MTR: variants seen among roughly 807,000 people sequenced by gnomAD.
The protein encoded by MTR is methionine synthase.
In MTR, 84 loss-of-function variants were observed where a neutral mutation model predicts 154.8. The ratio of observed to expected loss-of-function variants is 0.54; its 90% CI spans 0.45 to 0.65. The LOEUF is 0.65. MTR is among the 30% of genes least tolerant of loss of function. The pLI is 0.00. For synonymous variants in MTR, 554 were observed against 553.9 expected (o/e 1.00, Z 0.00); for missense variants, 1,275 against 1,570.2 (o/e 0.81, Z 3.18).
At chr1:236,810,308 C>T (rs893061924) in intron 4 of MTR, among the ~76,000 whole-genome samples, 195 bp from the exon 5 acceptor site, 9 of 152,086 alleles carry the variant, frequency 5.9e-5, no homozygotes, top group African/African-American at 9.7e-5. Context: ...AATAGTCTCT[C>T]GTTAGTTTAG....
rs1014393519 is a variant in MTR at position 236,894,477 on chromosome 1, G to T, written c.3325G>T (p.Glu1109Ter). The T allele has an allele frequency of 6.2e-7, 1 of 1,614,176 alleles. No individual in the cohort carries two copies. Among genetic ancestry groups the T allele is most frequent in the Non-Finnish European group, 8.5e-7 (1 of 1,180,042 alleles). The change falls in exon 30 of 33, where the codon GAG (glutamate) becomes TAG (stop). Residue 1109 changes from glutamate (E) to a stop codon, truncating the protein, a stop_gained. Coordinates refer to ENST00000366577, the MANE Select transcript of MTR (RefSeq NM_000254.3). LOFTEE classifies it high-confidence loss of function. Reference protein sequence around the residue: ...LFAVACFGVEELSKAYEDDGD... With the variant: ...LFAVACFGVE ...TGCCGTTGCCTGCTTTGGGGTAGAA[G>T]AGCTGAGCAAGGCCTATGAGGATGA...
Position 236,810,556 on chromosome 1 carries a change from G to A in MTR, c.463G>A (p.Val155Met), listed in dbSNP as rs1382616664. 3.0e-5 allele frequency: 49 copies of A among 1,613,758 alleles called. No homozygotes were observed. Among genetic ancestry groups the A allele is most frequent in the Non-Finnish European group, 3.7e-5 (44 of 1,179,838 alleles). The change falls in exon 5 of 33, where the codon GTG becomes ATG. Residue 155 changes from valine (V) to methionine (M), a missense_variant. Val to Met is a conservative substitution (Grantham distance 21). Coordinates refer to ENST00000366577, the MANE Select transcript of MTR (RefSeq NM_000254.3). ...GGGTCCGACTAATAAGACACTCTCTGTGTCCCCATCTGTGGAAAGGCCGGA... is the reference window on the plus strand; with the variant it reads ...GGGTCCGACTAATAAGACACTCTCTATGTCCCCATCTGTGGAAAGGCCGGA... ...ALGPTNKTLS[V>M]SPSVERPDYR...
chr1:236,840,902 AGT>A (rs1370828104), intron 15 of MTR, among the ~76,000 whole-genome samples: 1 of 152,198 alleles, frequency 6.6e-6, no homozygotes, highest in Admixed American at 6.5e-5. Flanking sequence ...TATGTCAAAG[AGT>A]GTACACATTT....
chr1:236,846,805 G>T (rs184638688), intron 15 of MTR, among the ~76,000 whole-genome samples: 1 of 151,974 alleles, frequency 6.6e-6, no homozygotes, highest in African/African-American at 2.4e-5. Context: ...CTTTTCTTCA[G>T]TGTTTCCCTT....
chr1:236,826,912 A>G lies in MTR; in HGVS notation c.995+16A>G, dbSNP rs752481994. 5.0e-6 allele frequency: 8 copies of G among 1,606,130 alleles called. No homozygotes were observed. Among genetic ancestry groups the G allele is most frequent in the Non-Finnish European group, 6.8e-6 (8 of 1,172,776 alleles). ...ATCATATCAGGTAATAATCACCTAT[A>G]GACAATATATCTAAAACCAAGTGGA... On this transcript the variant is annotated intron_variant, in intron 11 of 32. Transcript: ENST00000366577.
intron 8 of MTR, among the ~76,000 whole-genome samples, chr1:236,817,307 C>A (rs938522065): frequency 6.6e-6 from 1 of 152,058 alleles, no homozygotes; most frequent in Non-Finnish European, 1.5e-5. Context: ...CCCTTTCCCC[C>A]CTTTCCCTCC....
chr1:236,815,083 C>T (rs1661510633), intron 6 of MTR, among the ~76,000 whole-genome samples: 1 of 152,178 alleles, frequency 6.6e-6, no homozygotes, highest in Admixed American at 6.5e-5. Context: ...CTAATCTAAG[C>T]TCATGCTGTT....
chr1:236,861,097 CTTTTTTTT>C lies in MTR; in HGVS notation c.2044-19_2044-12del. ...ATTTTTTTTTTCTTTCTTTCTTTTTCTTTTTTTTTTTTTTTTGTCTTTTTTAGGGCATT... is the reference window on the plus strand; with the variant it reads ...ATTTTTTTTTTCTTTCTTTCTTTTTCTTTTTTTTGTCTTTTTTAGGGCATT... On this transcript the variant is annotated intron_variant, in intron 19 of 32. Transcript: ENST00000366577. The C allele has an allele frequency of 1.7e-6, 2 of 1,156,656 alleles. No homozygotes were observed. Among genetic ancestry groups the C allele is most frequent in the Non-Finnish European group, 2.3e-6 (2 of 867,130 alleles). The allele number at this position is 1,156,656 out of a possible 1,614,324, so 71.6% of individuals were successfully genotyped here.
chr1:236,881,787 T>C (rs1665750822), intron 25 of MTR, among the ~76,000 whole-genome samples: 1 of 152,114 alleles, frequency 6.6e-6, no homozygotes, highest in South Asian at 2.1e-4. Flanking sequence ...TTATTGAAAA[T>C]GTGTAGTGTG....
intron 15 of MTR, among the ~76,000 whole-genome samples, chr1:236,848,480 G>C (rs1043451615): frequency 6.6e-6 from 1 of 152,176 alleles, no homozygotes; most frequent in Non-Finnish European, 1.5e-5. Context: ...GTGAAGGGTA[G>C]ACTTTAAAAG....
At chr1:236,819,613 TAACTTAAAGGGA>T (rs991376904) in intron 8 of MTR, 1 of 467,354 alleles carries the variant, frequency 2.1e-6, no homozygotes, top group African/African-American at 2.0e-5. Flanking sequence ...GATTCCCATG[TAACTTAAAGGGA>T]AACTTTCACA....
At chr1:236,861,097 C>CTTTTTTCTTT in intron 19 of MTR, 28 bp from the exon 20 acceptor site, 1 of 1,156,660 alleles carries the variant, frequency 8.6e-7, no homozygotes, top group South Asian at 1.7e-5. Context: ...CTTTCTTTTT[C>CTTTTTTCTTT]TTTTTTTTTT....
chr1:236,820,187 T>TG (rs1446002649), intron 8 of MTR: 1 of 761,858 alleles, frequency 1.3e-6, no homozygotes, highest in African/African-American at 1.7e-5. Context: ...GTTCTGCACA[T>TG]GCGTGGCACC....
chr1:236,879,234 C>A (rs903875943), intron 24 of MTR, among the ~76,000 whole-genome samples: 1 of 152,230 alleles, frequency 6.6e-6, no homozygotes, highest in Non-Finnish European at 1.5e-5. Flanking sequence ...TCACCTCTAA[C>A]CCCCATAACC....
chr1:236,852,721 C>A, intron 17 of MTR, 84 bp downstream of exon 17: 1 of 1,278,830 alleles, frequency 7.8e-7, no homozygotes, highest in Non-Finnish European at 1.1e-6. Flanking sequence ...CAGGCTAAGT[C>A]CGGCCTGCTG....
At position 236,852,531 on chromosome 1, in the gene MTR, C is replaced by G; in HGVS notation, c.1706C>G (p.Pro569Arg). The change falls in exon 17 of 33, where the codon CCT becomes CGT. Residue 569 changes from proline (P) to arginine (R), a missense_variant. Transcript: ENST00000366577. ...HATKVIKETL[P>R]GARISGGLSN... ...TAAAATTTTTGCCAGGAAACATTAC[C>G]TGGAGCCAGAATAAGTGGAGGTCTT... The G allele has an allele frequency of 6.2e-7, 1 of 1,613,850 alleles. No individual in the cohort carries two copies. The highest frequency in any genetic ancestry group is 8.5e-7 in the Non-Finnish European group (1 of 1,179,864).
intron 18 of MTR, among the ~76,000 whole-genome samples, chr1:236,854,472 T>G (rs773801553): frequency 1.4e-4 from 22 of 152,222 alleles, no homozygotes; most frequent in South Asian, 2.1e-4. Flanking sequence ...CCCTGTCGTC[T>G]TCTTTGAACA....
intron 23 of MTR, 57 bp from the exon 24 acceptor site, chr1:236,874,669 C>A: frequency 2.2e-6 from 3 of 1,386,404 alleles, no homozygotes; most frequent in Non-Finnish European, 2.9e-6. Context: ...TTTCCTTTTT[C>A]TTTCATCTTC....
chr1:236,818,365 C>T (rs1201032736), intron 8 of MTR, among the ~76,000 whole-genome samples: 6 of 152,272 alleles, frequency 3.9e-5, no homozygotes, highest in African/African-American at 1.4e-4. Context: ...TCCTGGGTGT[C>T]ACTGGAGTCT....
Sources: gnomAD v4.1 joint callset for allele counts (sites outside exome capture counted in the v4.1 genomes callset) on GRCh38, gnomAD v4.1.1 for gene constraint, MANE v1.5 for transcripts, NCBI Gene and HGNC (gene_info 2026-07-23, HGNC 2026-07-21) for gene names.